The following TVP23A variants were observed in gnomAD, a reference collection of about 807,000 sequenced individuals.
The protein encoded by TVP23A is Golgi apparatus membrane protein TVP23 homolog A.
In TVP23A, 21 loss-of-function variants were observed where a neutral mutation model predicts 31.7. The observed-to-expected ratio is 0.66, with a 90% CI of 0.47 to 0.95. TVP23A has a LOEUF of 0.95. TVP23A is among the 40% of genes least tolerant of loss of function. The pLI is 0.00. For missense variants in TVP23A, 279 were observed against 255.6 expected, an observed-to-expected ratio of 1.09 and a Z score of -0.62; for synonymous variants, 104 against 96.0, an observed-to-expected ratio of 1.08 and a Z score of -0.49.
At chr16:10,766,063 TGAG>T (rs2030830292), downstream of TVP23A, 1 of 152,296 alleles carries the variant, frequency 6.6e-6, no homozygotes, top group Admixed American at 6.5e-5. This position sits in a 1 kb window ranked among gnomAD's most constrained non-coding sequence, Gnocchi z 4.8. Context: ...CAGGAAGGCA[TGAG>T]GACAGCACTT....
chr16:10,792,334 G>A (rs945198851), intron 2 of TVP23A, among the ~76,000 whole-genome samples: 6 of 152,134 alleles, frequency 3.9e-5, no homozygotes, highest in Non-Finnish European at 7.3e-5. Context: ...AAGATGCTGG[G>A]TTCAAGGAAC....
chr16:10,783,672 T>C (rs1232184868), intron 2 of TVP23A, among the ~76,000 whole-genome samples: 1 of 152,044 alleles, frequency 6.6e-6, no homozygotes, highest in African/African-American at 2.4e-5. Context: ...TGAGACTCTG[T>C]CTCAAAAAAC....
rs1483689000 is a variant in TVP23A at position 10,771,716 on chromosome 16, A to G, written c.536T>C (p.Ile179Thr). Residue 179 changes from isoleucine (I) to threonine (T), a missense_variant, in exon 6 of 8, where the codon ATT becomes ACT. By Grantham distance (89) the Ile-to-Thr change is moderately conservative. Transcript: ENST00000299866. ...CAGGAAACTGGCTGTGACCTTGCCA[A>G]TGTCACTGTTGCCTCCCATCTTACA... The part of the protein sequence containing the change: ...ILCKMGGNSD[I>T]GKVTASFLSQ... 7 of 1,613,334 alleles carry G rather than the reference A, an allele frequency of 4.3e-6. No individual in the cohort carries two copies. Among genetic ancestry groups the G allele is most frequent in the African/African-American group, 1.3e-5 (1 of 75,040 alleles).
rs1474304642 is a variant in TVP23A at position 10,767,710 on chromosome 16, TG to T, written c.*1391del. 72 of 565,414 alleles carry T rather than the reference TG, an allele frequency of 1.3e-4. No homozygotes were observed. Among genetic ancestry groups the T allele is most frequent in the Admixed American group, 2.8e-4 (9 of 32,248 alleles). 35.0% of individuals were successfully genotyped at this position (565,414 alleles called of 1,614,324 possible). On this transcript the variant is annotated 3_prime_UTR_variant, in exon 8 of 8. Coordinates refer to ENST00000299866, the MANE Select transcript of TVP23A (RefSeq NM_001079512.4). The surrounding 1 kb of genome is among the most constrained non-coding windows in gnomAD (Gnocchi z 4.6). ...GCTGAATCAGTTCTCTGTAGGGCCC[TG>T]GAACCTGCATTTTCTGTACACCACC...
intron 5 of TVP23A, among the ~76,000 whole-genome samples, chr16:10,772,271 CAG>C (rs1166898321): frequency 6.6e-6 from 1 of 152,226 alleles, no homozygotes; most frequent in Non-Finnish European, 1.5e-5. Flanking sequence ...CCCAAGGTCA[CAG>C]AGCTGGAGCG....
At chr16:10,805,258 C>T (rs1298324373) in intron 2 of TVP23A, among the ~76,000 whole-genome samples, 1 of 152,028 alleles carries the variant, frequency 6.6e-6, no homozygotes, top group Non-Finnish European at 1.5e-5. Context: ...TCTTGAACTC[C>T]TAACCTCAAG....
At chr16:10,770,574 A>C (rs1003251170) in intron 6 of TVP23A, among the ~76,000 whole-genome samples, 3 of 151,000 alleles carry the variant, frequency 2.0e-5, no homozygotes, top group East Asian at 3.9e-4. Flanking sequence ...TTAAAAAAAA[A>C]AAACAAAACA....
intron 2 of TVP23A, among the ~76,000 whole-genome samples, chr16:10,813,764 G>C (rs73497765): frequency 0.023 from 3,527 of 152,020 alleles, 166 homozygotes; most frequent in African/African-American, 0.081. Context: ...CCAGCACTTT[G>C]GGAGGCCAAG....
At chr16:10,800,008 C>CTTT (rs76396691) in intron 2 of TVP23A, among the ~76,000 whole-genome samples, 29 of 57,380 alleles carry the variant, frequency 5.1e-4, no homozygotes, top group African/African-American at 9.0e-4. Flanking sequence ...GAGTGGGGTT[C>CTTT]TTTTTTTTTT....
At chr16:10,798,833 TTTGTA>T (rs1461591080) in intron 2 of TVP23A, among the ~76,000 whole-genome samples, 1 of 151,964 alleles carries the variant, frequency 6.6e-6, no homozygotes, top group Non-Finnish European at 1.5e-5. Context: ...CCAGCTAATT[TTTGTA>T]TTTTTAGAAG....
At chr16:10,802,670 G>C (rs1023265337) in intron 2 of TVP23A, among the ~76,000 whole-genome samples, 1 of 151,810 alleles carries the variant, frequency 6.6e-6, no homozygotes, top group Admixed American at 6.6e-5. Context: ...AAAGTAAAAA[G>C]TTTTTTTTAA....
downstream of TVP23A, chr16:10,757,974 C>T (rs1206823476): frequency 8.1e-6 from 13 of 1,614,094 alleles, no homozygotes; most frequent in South Asian, 3.3e-5. This position sits in a 1 kb window ranked among gnomAD's most constrained non-coding sequence, Gnocchi z 4.1. Context: ...CTCGGTCGTC[C>T]GGTACCTGGC....
downstream of TVP23A, among the ~76,000 whole-genome samples, chr16:10,757,513 G>C (rs932122927): frequency 4.6e-5 from 7 of 152,096 alleles, no homozygotes; most frequent in African/African-American, 1.4e-4. The surrounding 1 kb of genome is among the most constrained non-coding windows in gnomAD (Gnocchi z 4.1). Flanking sequence ...ACACCATAGG[G>C]TGTTAAACAG....
chr16:10,773,963 A>T, intron 4 of TVP23A, 76 bp downstream of exon 4: 6 of 1,197,060 alleles, frequency 5.0e-6, no homozygotes, highest in Non-Finnish European at 7.2e-6. Context: ...TATGCACAAA[A>T]CTCCAAAGGA....
Position 10,775,289 on chromosome 16 carries a change from T to G in TVP23A, c.90-193A>C, listed in dbSNP as rs1040605171. ...TAGGTCAGCAGTCCCCAGACAGTCA[T>G]GCTGACACTGTTTTTTTTCCTCCCC... On this transcript the variant is annotated intron_variant, in intron 2 of 7. Coordinates refer to ENST00000299866, the MANE Select transcript of TVP23A (RefSeq NM_001079512.4). 22 of 1,410,762 alleles carry G rather than the reference T, an allele frequency of 1.6e-5. No homozygotes were observed. The African/African-American group carries it at 2.3e-4, about 15-fold the overall frequency. 87.4% of individuals were successfully genotyped at this position (1,410,762 alleles called of 1,614,324 possible).
intron 2 of TVP23A, among the ~76,000 whole-genome samples, chr16:10,783,134 C>T (rs1017872184): frequency 3.3e-5 from 5 of 152,146 alleles, no homozygotes; most frequent in Admixed American, 6.5e-5. Context: ...CTGGGATGTT[C>T]TGTATCTTTA....
In TVP23A at chr16:10,779,159, ATTAACTC is replaced by A. The variant is rs1193353589; in HGVS notation, c.90-4070_90-4064del. Among the ~76,000 whole-genome samples the A allele has an allele frequency of 6.6e-6, 1 of 152,154 alleles. No individual in the cohort carries two copies. Among genetic ancestry groups the A allele is most frequent in the Non-Finnish European group, 1.5e-5 (1 of 68,022 alleles). On this transcript the variant is annotated intron_variant, in intron 2 of 7. Coordinates refer to ENST00000299866, the MANE Select transcript of TVP23A (RefSeq NM_001079512.4). The surrounding 1 kb of genome is among the most constrained non-coding windows in gnomAD (Gnocchi z 4.9). ...ATAGCTTCCACTTAGCTGGGCCCTG[ATTAACTC>A]AATGGAAAGTGGTGTTACTCAAACA...
intron 2 of TVP23A, among the ~76,000 whole-genome samples, chr16:10,784,389 G>T (rs899691090): frequency 7.7e-6 from 1 of 129,098 alleles, no homozygotes; most frequent in African/African-American, 2.9e-5. Context: ...ACCAAAAAAA[G>T]AAAAAAAAAA....
chr16:10,770,910 T>C (rs1008215475), intron 6 of TVP23A, among the ~76,000 whole-genome samples: 1 of 141,002 alleles, frequency 7.1e-6, no homozygotes, highest in African/African-American at 2.7e-5. Context: ...AAAAACCGTT[T>C]GTGACTCTTT....
Sources: allele counts gnomAD v4.1 joint callset (sites outside exome capture counted in the v4.1 genomes callset), GRCh38; gene constraint gnomAD v4.1.1; non-coding constraint Gnocchi (gnomAD v3.1); transcripts MANE v1.5; gene names NCBI Gene and HGNC (gene_info 2026-07-23, HGNC 2026-07-21).